Variants in RHOU observed in about 807,000 individuals in gnomAD.
RHOU encodes rho-related GTP-binding protein RhoU.
In RHOU, 8 loss-of-function variants were observed where a neutral mutation model predicts 12.6. The ratio of observed to expected loss-of-function variants is 0.64; its 90% CI spans 0.37 to 1.15. The LOEUF (loss-of-function observed/expected upper bound fraction) is 1.15, where lower values mean the gene tolerates loss of function less well. RHOU is among the 50% of genes most tolerant of loss of function. The pLI is 0.01. For synonymous variants in RHOU, 161 were observed against 147.4 expected (o/e 1.09, Z -0.67); for missense variants, 258 against 347.0 (o/e 0.74, Z 2.04).
At chr1:228,717,460 G>A in the RHOU span, among the ~76,000 whole-genome samples, 3 of 119,952 alleles carry the variant, frequency 2.5e-5, no homozygotes, top group African/African-American at 6.3e-5. Context: ...CAGATGTTAG[G>A]GAGAATATCT....
chr1:228,711,800 T>C, the RHOU span, among the ~76,000 whole-genome samples: 13 of 147,060 alleles, frequency 8.8e-5, no homozygotes, highest in East Asian at 2.0e-3. Flanking sequence ...AAAGCCAAAA[T>C]TGACAAATGG....
the RHOU span, among the ~76,000 whole-genome samples, chr1:228,725,757 T>C: frequency 6.6e-6 from 1 of 152,238 alleles, no homozygotes; most frequent in East Asian, 1.9e-4. Context: ...GCCATCTGAA[T>C]TAATAAAATT....
chr1:228,705,221 TTG>T, the RHOU span, among the ~76,000 whole-genome samples: 2 of 152,078 alleles, frequency 1.3e-5, no homozygotes, highest in Non-Finnish European at 2.9e-5. Flanking sequence ...AAAATGCACT[TTG>T]TGTGTGTGTG....
chr1:228,680,920 C>T, the RHOU span, among the ~76,000 whole-genome samples: 1 of 152,178 alleles, frequency 6.6e-6, no homozygotes, highest in Non-Finnish European at 1.5e-5. Context: ...CATAGGGGAT[C>T]TTCTCAGGGA....
the RHOU span, among the ~76,000 whole-genome samples, chr1:228,648,439 G>A: frequency 7.9e-5 from 12 of 152,326 alleles, 1 homozygote; most frequent in African/African-American, 2.6e-4. Context: ...TGTGCTCTGA[G>A]GTGTCAACGC....
At chr1:228,688,778 G>T in the RHOU span, among the ~76,000 whole-genome samples, 9 of 152,258 alleles carry the variant, frequency 5.9e-5, no homozygotes, top group South Asian at 1.9e-3. Context: ...TGCTTCCCTG[G>T]TCAAGCAGAA....
the RHOU span, among the ~76,000 whole-genome samples, chr1:228,716,266 C>T: frequency 2.6e-5 from 4 of 152,136 alleles, no homozygotes; most frequent in Non-Finnish European, 5.9e-5. Flanking sequence ...GAATGCTTCC[C>T]CACACCTTGC....
the RHOU span, among the ~76,000 whole-genome samples, chr1:228,676,140 C>CCT: frequency 7.1e-4 from 104 of 145,674 alleles, no homozygotes; most frequent in Middle Eastern, 3.5e-3. Flanking sequence ...CGCCCCCCCC[C>CCT]TTTTTTTTTT....
chr1:228,694,413 C>T, the RHOU span, among the ~76,000 whole-genome samples: 5 of 152,210 alleles, frequency 3.3e-5, no homozygotes, highest in Non-Finnish European at 7.4e-5. Flanking sequence ...GTTTGCTGCA[C>T]AGGTCATCCC....
At chr1:228,709,270 G>C in the RHOU span, among the ~76,000 whole-genome samples, 1 of 147,478 alleles carries the variant, frequency 6.8e-6, no homozygotes, top group Non-Finnish European at 1.5e-5. Context: ...AGTCAACAAG[G>C]ATACCCAGGA....
At chr1:228,655,167 C>T in the RHOU span, among the ~76,000 whole-genome samples, 8 of 150,562 alleles carry the variant, frequency 5.3e-5, no homozygotes, top group Non-Finnish European at 8.9e-5. Flanking sequence ...TGCAGTGGCG[C>T]GATCTTGGCT....
the RHOU span, among the ~76,000 whole-genome samples, chr1:228,716,822 T>G: frequency 6.6e-6 from 1 of 152,248 alleles, no homozygotes; most frequent in East Asian, 1.9e-4. Context: ...ATATGTTTTT[T>G]TCAGTTTGAC....
At chr1:228,685,693 G>C in the RHOU span, among the ~76,000 whole-genome samples, 3,099 of 152,232 alleles carry the variant, frequency 0.02, 111 homozygotes, top group African/African-American at 0.07. Flanking sequence ...ATATCTTCCT[G>C]TTAAAATTAT....
rs1162322812 is a variant in RHOU at position 228,742,204 on chromosome 1, G to A, written c.322-1081G>A. Among the ~76,000 whole-genome samples the A allele has an allele frequency of 3.3e-5, 5 of 152,208 alleles. 1 individual carries two copies. The highest frequency in any genetic ancestry group is 1.9e-4 in the East Asian group (1 of 5,206). Reference sequence around the variant, plus strand: ...AAATATTTTTCTACAAAAGAGTTGAGCAAAAGTTGTCAGTTAGCTGAATAT... The same window carrying A: ...AAATATTTTTCTACAAAAGAGTTGAACAAAAGTTGTCAGTTAGCTGAATAT... On this transcript the variant is annotated intron_variant, in intron 2 of 2. Coordinates refer to ENST00000366691, the MANE Select transcript of RHOU (RefSeq NM_021205.6).
chr1:228,713,477 A>T, the RHOU span, among the ~76,000 whole-genome samples: 1 of 152,028 alleles, frequency 6.6e-6, no homozygotes, highest in Non-Finnish European at 1.5e-5. Flanking sequence ...GCATGCACCA[A>T]CACACTCGGC....
At chr1:228,657,969 C>T in the RHOU span, among the ~76,000 whole-genome samples, 1 of 151,996 alleles carries the variant, frequency 6.6e-6, no homozygotes, top group East Asian at 1.9e-4. Flanking sequence ...AATTTAACTG[C>T]CAATATGATA....
chr1:228,687,798 A>G, the RHOU span: 1 of 1,326,214 alleles, frequency 7.5e-7, no homozygotes, highest in Non-Finnish European at 1.1e-6. Context: ...AGACAAGCAC[A>G]CCCTGGGGGA....
the RHOU span, among the ~76,000 whole-genome samples, chr1:228,680,151 C>T: frequency 1.3e-5 from 2 of 152,050 alleles, no homozygotes; most frequent in East Asian, 1.9e-4. Context: ...ATGTACTTAC[C>T]CTCCACTGTG....
the RHOU span, among the ~76,000 whole-genome samples, chr1:228,713,432 C>A: frequency 6.6e-6 from 1 of 152,146 alleles, no homozygotes; most frequent in South Asian, 2.1e-4. Flanking sequence ...CCTTGCCATT[C>A]TGTAATTCTT....
Sources: gnomAD v4.1 joint callset for allele counts (sites outside exome capture counted in the v4.1 genomes callset) on GRCh38, gnomAD v4.1.1 for gene constraint, MANE v1.5 for transcripts, NCBI Gene and HGNC (gene_info 2026-07-23, HGNC 2026-07-21) for gene names.